TPST2: variants seen among roughly 807,000 people sequenced by gnomAD.
TPST2 encodes the protein protein-tyrosine sulfotransferase 2.
Under a neutral mutation model 27.8 loss-of-function variants are expected in TPST2, and 16 were observed. That is an observed-to-expected ratio of 0.58 (90% confidence interval 0.39 to 0.88). The LOEUF (loss-of-function observed/expected upper bound fraction) is 0.88. TPST2 is among the 40% of genes least tolerant of loss of function. TPST2 has a pLI of 0.00. For synonymous variants in TPST2, 229 were observed against 231.7 expected (o/e 0.99, Z 0.10); for missense variants, 464 against 543.1 (o/e 0.85, Z 1.45).
chr22:26,536,817 A>C (rs1925499599), intron 3 of TPST2, among the ~76,000 whole-genome samples: 2 of 152,190 alleles, frequency 1.3e-5, no homozygotes, highest in African/African-American at 4.8e-5. Context: ...CCAGCACTTC[A>C]GAAAGCCAAG....
chr22:26,538,354 C>T (rs1310131195), intron 3 of TPST2, among the ~76,000 whole-genome samples: 1 of 152,214 alleles, frequency 6.6e-6, no homozygotes, highest in Admixed American at 6.5e-5. Context: ...TGCCAAAATC[C>T]TTGTGTCTCT....
chr22:26,553,649 C>CTCATTTTTTTTTTTTTTTTATTTT (rs1555931704), intron 1 of TPST2, among the ~76,000 whole-genome samples: 4 of 151,690 alleles, frequency 2.6e-5, no homozygotes, highest in African/African-American at 7.3e-5. Flanking sequence ...TGAGCTACTG[C>CTCATTTTTTTTTTTTTTTTATTTT]ACCTGGCTGG....
Position 26,527,768 on chromosome 22 carries a change from C to T in TPST2, c.*7+446G>A, listed in dbSNP as rs188874384. Among the ~76,000 whole-genome samples the T allele has an allele frequency of 4.6e-5, 7 of 152,332 alleles. No individual in the cohort carries two copies. In the East Asian group the frequency reaches 1.3e-3, roughly 29 times the overall value. On this transcript the variant is annotated intron_variant, in intron 6 of 6. Transcript: ENST00000338754. ...AGTAACACAGGACCAGTACCTGGCC[C>T]AACGGCCATGGGGGTTATTCTTAGA... is the stretch of plus-strand genomic sequence containing the variant.
chr22:26,567,404 C>T (rs997644938), intron 1 of TPST2, among the ~76,000 whole-genome samples: 3 of 152,202 alleles, frequency 2.0e-5, no homozygotes, highest in Non-Finnish European at 2.9e-5. Flanking sequence ...ACAGGGATGA[C>T]TTAGGTTGAA....
At chr22:26,587,712 T>C (rs887760219) in intron 1 of TPST2, among the ~76,000 whole-genome samples, 2 of 152,162 alleles carry the variant, frequency 1.3e-5, no homozygotes, top group Non-Finnish European at 2.9e-5. Flanking sequence ...GAACACTAAA[T>C]GTATTTAAGA....
intron 1 of TPST2, among the ~76,000 whole-genome samples, chr22:26,562,306 T>C (rs750276940): frequency 2.0e-5 from 3 of 152,208 alleles, no homozygotes; most frequent in Non-Finnish European, 4.4e-5. Flanking sequence ...GCTGGAGAGA[T>C]GCAACACAAT....
chr22:26,570,057 A>AAGAAAGAAAGACAGACAGACAGAC (rs1927569446), intron 1 of TPST2, among the ~76,000 whole-genome samples: 1 of 148,800 alleles, frequency 6.7e-6, no homozygotes, highest in Non-Finnish European at 1.5e-5. Flanking sequence ...GAAAGAAAGA[A>AAGAAAGAAAGACAGACAGACAGAC]AGAAAGAAGG....
At chr22:26,572,053 G>C (rs73880126) in intron 1 of TPST2, among the ~76,000 whole-genome samples, 3,274 of 152,206 alleles carry the variant, frequency 0.022, 114 homozygotes, top group African/African-American at 0.075. Flanking sequence ...GTCATGATCA[G>C]ACCCCTTCTC....
In TPST2 at chr22:26,524,881, A is replaced by T. The variant is rs1168630273; in HGVS notation, c.*1394T>A. ...CTCTAAGTCCTTGGAATATCCTCCC[A>T]AGTAGGGGTGTCTTTGTATACCTCA... is the stretch of plus-strand genomic sequence containing the variant. On this transcript the variant is annotated 3_prime_UTR_variant, in exon 7 of 7. Coordinates refer to ENST00000338754, the MANE Select transcript of TPST2 (RefSeq NM_003595.5). 1.3e-5 allele frequency: 2 copies of T among 152,190 alleles called. No homozygotes were observed. Among genetic ancestry groups the T allele is most frequent in the Non-Finnish European group, 2.9e-5 (2 of 68,048 alleles). 9.4% of individuals were successfully genotyped at this position (152,190 alleles called of 1,614,324 possible).
intron 1 of TPST2, chr22:26,565,374 A>T (rs893456284): frequency 4.6e-5 from 7 of 152,270 alleles, no homozygotes; most frequent in Non-Finnish European, 7.3e-5. Context: ...CCTTTGAAGG[A>T]TCAGTCAGCC....
chr22:26,543,281 T>A (rs541405695), intron 2 of TPST2: 1 of 152,326 alleles, frequency 6.6e-6, no homozygotes, highest in African/African-American at 2.4e-5. Context: ...TCAGGGTCTG[T>A]GATGGAGAAA....
intron 1 of TPST2, among the ~76,000 whole-genome samples, chr22:26,573,678 T>C (rs73163217): frequency 3.3e-4 from 50 of 152,346 alleles, no homozygotes; most frequent in Non-Finnish European, 6.2e-4. Flanking sequence ...CTCAACAAGA[T>C]GGCCTCAACC....
intron 1 of TPST2, among the ~76,000 whole-genome samples, chr22:26,589,416 C>T (rs895490745): frequency 6.6e-6 from 1 of 151,604 alleles, no homozygotes; most frequent in Admixed American, 6.6e-5. Flanking sequence ...CCGGGCACCT[C>T]CCATCCAGCT....
chr22:26,556,654 T>C (rs929704191), intron 1 of TPST2, among the ~76,000 whole-genome samples: 6 of 152,156 alleles, frequency 3.9e-5, no homozygotes, highest in African/African-American at 1.4e-4. Context: ...AAGATGTAAT[T>C]TTCCCCTCAT....
chr22:26,587,994 C>T (rs569103873), intron 1 of TPST2, among the ~76,000 whole-genome samples: 7 of 149,602 alleles, frequency 4.7e-5, no homozygotes, highest in African/African-American at 7.3e-5. Context: ...AGTTACCTTA[C>T]GACCCAATCA....
At position 26,540,839 on chromosome 22, in the gene TPST2, G is replaced by C. The variant is rs768530486; in HGVS notation, c.792C>G (p.Val264=). 14 of 1,613,030 alleles carry C rather than the reference G, an allele frequency of 8.7e-6. No homozygotes were observed. In the Admixed American group the frequency reaches 2.3e-4, roughly 27 times the overall value. The change falls in exon 3 of 7, where the codon GTC becomes GTG. Residue 264 remains valine (V), a synonymous_variant. Transcript: ENST00000338754. ...DFLGIAWSDA[V]LHHEDLIGKP... is the part of the protein sequence containing the mutation. ...TGCCAATGAGGTCTTCATGGTGGAGGACAGCGTCGCTCCAGGCGATGCCGA... is the reference window on the plus strand; with the variant it reads ...TGCCAATGAGGTCTTCATGGTGGAGCACAGCGTCGCTCCAGGCGATGCCGA...
chr22:26,541,270 G>C lies in TPST2; in HGVS notation c.361C>G (p.Leu121Val). Residue 121 changes from leucine (L) to valine (V), a missense_variant, in exon 3 of 7, where the codon CTG (leucine) becomes GTG (valine). By Grantham distance (32) the Leu-to-Val change is conservative. Transcript: ENST00000338754. The surrounding 1 kb of genome is among the most constrained non-coding windows in gnomAD (Gnocchi z 5.9). ...GTCACCCCCGCCTCATCCAGCCGCA[G>C]CTTCTCACGGCCAGACTTGGACCAG... Reference protein sequence around the residue: ...QAWSKSGREKLRLDEAGVTDE... With the variant: ...QAWSKSGREKVRLDEAGVTDE... 1 of 1,537,762 alleles carries C rather than the reference G, an allele frequency of 6.5e-7. No homozygotes were observed.
At chr22:26,559,699 G>T (rs894677345) in intron 1 of TPST2, among the ~76,000 whole-genome samples, 2 of 152,156 alleles carry the variant, frequency 1.3e-5, no homozygotes, top group African/African-American at 4.8e-5. Context: ...TCTGTTCAAG[G>T]TTCATCCGTT....
intron 5 of TPST2, among the ~76,000 whole-genome samples, chr22:26,532,181 G>A (rs1247360728): frequency 6.6e-6 from 1 of 152,226 alleles, no homozygotes; most frequent in African/African-American, 2.4e-5. Context: ...AAGACGAAGT[G>A]AGAGGCTGCT....
Sources: gnomAD v4.1 joint callset for allele counts (sites outside exome capture counted in the v4.1 genomes callset) on GRCh38, gnomAD v4.1.1 for gene constraint, Gnocchi (gnomAD v3.1) non-coding constraint, MANE v1.5 for transcripts, NCBI Gene and HGNC (gene_info 2026-07-23, HGNC 2026-07-21) for gene names.